Variants in RNF214 observed in about 807,000 individuals in gnomAD.
RNF214 encodes the protein ring finger protein 214.
Under a neutral mutation model 75.9 loss-of-function variants are expected in RNF214, and 25 were observed. The observed-to-expected ratio is 0.33, with a 90% CI of 0.24 to 0.46. The LOEUF (loss-of-function observed/expected upper bound fraction) is 0.46, where lower values mean the gene tolerates loss of function less well. RNF214 is among the 20% of genes least tolerant of loss of function. RNF214 has a pLI of 1.00. For synonymous variants in RNF214, 314 were observed against 308.8 expected, an observed-to-expected ratio of 1.02 and a Z score of -0.18; for missense variants, 725 against 857.5, an observed-to-expected ratio of 0.85 and a Z score of 1.93.
intron 6 of RNF214, among the ~76,000 whole-genome samples, chr11:117,250,165 G>C (rs953306694): frequency 2.0e-5 from 3 of 152,202 alleles, no homozygotes; most frequent in Non-Finnish European, 4.4e-5. Context: ...CCCATACTGG[G>C]TAGGGGGAGT....
chr11:117,282,162 C>T lies in RNF214; in HGVS notation c.1604C>T (p.Pro535Leu), dbSNP rs759983307. 3 of 1,614,016 alleles carry T rather than the reference C, an allele frequency of 1.9e-6. No homozygotes were observed. The highest frequency in any genetic ancestry group is 1.7e-6 in the Non-Finnish European group (2 of 1,179,944). The change falls in exon 11 of 15, where the codon CCA (proline) becomes CTA (leucine). Residue 535 changes from proline to leucine, a missense_variant. Around this residue, in one of 2 missense-constraint regions of RNF214, gnomAD observed 363 missense variants for 513.0 expected, o/e 0.71. Coordinates refer to ENST00000300650, the MANE Select transcript of RNF214 (RefSeq NM_207343.4). ...MPPAASIPPPPGLGGVKASAE... is the reference protein window; with the variant it reads ...MPPAASIPPPLGLGGVKASAE... ...CCTGCCGCCTCCATCCCACCTCCCC[C>T]AGGCTTGGGCGGTGTTAAGGCTTCT... is the stretch of plus-strand genomic sequence containing the variant.
intron 2 of RNF214, among the ~76,000 whole-genome samples, chr11:117,237,682 A>T (rs375731860): frequency 4.7e-5 from 7 of 150,064 alleles, no homozygotes; most frequent in African/African-American, 1.5e-4. Flanking sequence ...AATAAATAAA[A>T]AATAAAAGCA....
In RNF214 at chr11:117,246,910, G is replaced by A. The variant is rs753889312; in HGVS notation, c.921G>A (p.Leu307=). 4 of 1,611,448 alleles carry A rather than the reference G, an allele frequency of 2.5e-6. No homozygotes were observed. The East Asian group carries it at 6.7e-5, about 27-fold the overall frequency. ...AGTTTTTGCAGAAGGAGCAGGATCT[G>A]AAAGCTGAAATTGAGAAGCTTTGTG... The part of the protein sequence containing the change: ...KKEFLQKEQD[L]KAEIEKLCEK... The change falls in exon 6 of 15, where the codon CTG becomes CTA. Residue 307 remains leucine, a synonymous_variant. Coordinates refer to ENST00000300650, the MANE Select transcript of RNF214 (RefSeq NM_207343.4).
intron 2 of RNF214, among the ~76,000 whole-genome samples, chr11:117,236,620 A>G (rs1033628146): frequency 2.0e-5 from 3 of 152,226 alleles, no homozygotes; most frequent in African/African-American, 4.8e-5. Flanking sequence ...TACAGTAGCT[A>G]ACACTTAACT....
At chr11:117,260,305 G>A (rs1483229597) in intron 6 of RNF214, among the ~76,000 whole-genome samples, 3 of 152,116 alleles carry the variant, frequency 2.0e-5, no homozygotes, top group Admixed American at 2.0e-4. Flanking sequence ...ATTAATTTTT[G>A]TGTATGGTGA....
At position 117,285,089 on chromosome 11, in the gene RNF214, A is replaced by G. The variant is rs749037579; in HGVS notation, c.2050A>G (p.Ile684Val). 1.2e-6 allele frequency: 2 copies of G among 1,608,994 alleles called. No homozygotes were observed. Among genetic ancestry groups the G allele is most frequent in the South Asian group, 1.1e-5 (1 of 90,940 alleles). The change falls in exon 15 of 15, where the codon ATC becomes GTC. Residue 684 changes from isoleucine to valine, a missense_variant. Physicochemically the swap from Ile to Val is conservative, Grantham distance 29 (BLOSUM62 3). This residue lies in a region of RNF214 where 363 missense variants were observed against 513.0 expected (regional missense o/e 0.71). Transcript: ENST00000300650. ...ACTHVLHKECIKFWAQTNTND... is the reference protein window; with the variant it reads ...ACTHVLHKECVKFWAQTNTND... Reference sequence around the variant, plus strand: ...GTGTGTCTTTCTTTCTTTCCAGTGTATCAAATTCTGGGCCCAGACCAACAC... The same window carrying G: ...GTGTGTCTTTCTTTCTTTCCAGTGTGTCAAATTCTGGGCCCAGACCAACAC...
chr11:117,237,154 A>T (rs548650853), intron 2 of RNF214, among the ~76,000 whole-genome samples: 1 of 152,352 alleles, frequency 6.6e-6, no homozygotes, highest in East Asian at 1.9e-4. Context: ...ATCATGGCCT[A>T]CTGCAGCCTC....
intron 6 of RNF214, among the ~76,000 whole-genome samples, chr11:117,260,494 ATATACTTGTC>A (rs1395692548): frequency 6.6e-6 from 1 of 152,036 alleles, no homozygotes; most frequent in Non-Finnish European, 1.5e-5. Flanking sequence ...TATTGTGTTG[ATATACTTGTC>A]TATATACTAC....
At chr11:117,254,523 C>G (rs1467966659) in intron 6 of RNF214, among the ~76,000 whole-genome samples, 2 of 152,124 alleles carry the variant, frequency 1.3e-5, no homozygotes, top group Non-Finnish European at 2.9e-5. Flanking sequence ...GATTTACTTG[C>G]TTACCATTAC....
chr11:117,239,613 G>A, intron 3 of RNF214, 188 bp from the exon 4 acceptor site: 1 of 585,608 alleles, frequency 1.7e-6, no homozygotes, highest in Non-Finnish European at 3.1e-6. Context: ...TATTTTGTGG[G>A]ACCGATGATT....
At chr11:117,244,800 G>A (rs1198616410) in intron 5 of RNF214, among the ~76,000 whole-genome samples, 2 of 151,748 alleles carry the variant, frequency 1.3e-5, no homozygotes, top group Non-Finnish European at 2.9e-5. Flanking sequence ...CAAGTAGCTG[G>A]GAACACAGGT....
chr11:117,272,190 G>C (rs922649874), intron 6 of RNF214, among the ~76,000 whole-genome samples: 2 of 152,098 alleles, frequency 1.3e-5, no homozygotes, highest in African/African-American at 2.4e-5. Context: ...TTGTGCCACT[G>C]TACTCCAGCC....
intron 6 of RNF214, among the ~76,000 whole-genome samples, chr11:117,252,890 A>G (rs1455015319): frequency 6.6e-6 from 1 of 152,140 alleles, no homozygotes; most frequent in Non-Finnish European, 1.5e-5. Flanking sequence ...TGTTTATTCT[A>G]TCACTGGATT....
Position 117,238,858 on chromosome 11 carries a change from C to T in RNF214, c.365C>T (p.Thr122Ile). 5 of 1,614,202 alleles carry T rather than the reference C, an allele frequency of 3.1e-6. No homozygotes were observed. Among genetic ancestry groups the T allele is most frequent in the Non-Finnish European group, 4.2e-6 (5 of 1,180,030 alleles). The change falls in exon 3 of 15, where the codon ACA becomes ATA. Residue 122 changes from threonine (T) to isoleucine (I), a missense_variant. By Grantham distance (89) the Thr-to-Ile change is moderately conservative. Around this residue, in one of 2 missense-constraint regions of RNF214, gnomAD observed 362 missense variants for 344.5 expected, o/e 1.05. Coordinates refer to ENST00000300650, the MANE Select transcript of RNF214 (RefSeq NM_207343.4). ...AGCACAGCAGGAGAGGAGGGGGACA[C>T]AAGCCTTCGGGAGAGCCTCCATCCA... is the stretch of plus-strand genomic sequence containing the variant. ...VASTAGEEGD[T>I]SLRESLHPVT... is the part of the protein sequence containing the mutation.
At chr11:117,261,675 T>TC (rs992416952) in intron 6 of RNF214, among the ~76,000 whole-genome samples, 2 of 152,268 alleles carry the variant, frequency 1.3e-5, no homozygotes, top group Admixed American at 1.3e-4. Flanking sequence ...TGACAGAGTC[T>TC]CCCTCTGTCG....
rs770822693 is a variant in RNF214, at chr11:117,281,876, A to G, written c.1336-18A>G. The G allele has an allele frequency of 1.1e-5, 17 of 1,608,298 alleles. No homozygotes were observed. Among genetic ancestry groups the G allele is most frequent in the Non-Finnish European group, 1.4e-5 (17 of 1,176,754 alleles). ...TTTCTTCCTTTCTCTCTCGTCCTCT[A>G]CCTCTTCTCCTCTGCAGACAGACTT... On this transcript the variant is annotated intron_variant, in intron 10 of 14. Transcript: ENST00000300650.
intron 6 of RNF214, among the ~76,000 whole-genome samples, chr11:117,256,451 T>C (rs2033524278): frequency 1.3e-5 from 2 of 152,340 alleles, no homozygotes; most frequent in African/African-American, 4.8e-5. Flanking sequence ...AGGTTGTGGC[T>C]GGGGCTAGGA....
At chr11:117,249,755 T>A (rs544937669) in intron 6 of RNF214, among the ~76,000 whole-genome samples, 1 of 152,340 alleles carries the variant, frequency 6.6e-6, no homozygotes, top group Admixed American at 6.5e-5. Flanking sequence ...ACATGGCTTT[T>A]GTGCTATGCA....
chr11:117,243,139 A>T (rs1434557863), intron 4 of RNF214, among the ~76,000 whole-genome samples: 2 of 124,118 alleles, frequency 1.6e-5, no homozygotes, highest in African/African-American at 7.0e-5. Flanking sequence ...TTTATTAATT[A>T]ATTAATTAAT....
Sources: allele counts gnomAD v4.1 joint callset (sites outside exome capture counted in the v4.1 genomes callset), GRCh38; gene constraint gnomAD v4.1.1; regional missense constraint gnomAD v4.1.1; transcripts MANE v1.5; gene names NCBI Gene and HGNC (gene_info 2026-07-23, HGNC 2026-07-21).